The following CAMK1D variants were observed in gnomAD, a reference collection of about 807,000 sequenced individuals.
CAMK1D encodes calcium/calmodulin-dependent protein kinase type 1D.
Under a neutral mutation model 47.7 loss-of-function variants are expected in CAMK1D, and 9 were observed. The ratio of observed to expected loss-of-function variants is 0.19; its 90% CI spans 0.11 to 0.33. The LOEUF is 0.33. Among genes scored for constraint, CAMK1D ranks in the 10% least tolerant of loss-of-function variants. The pLI, the probability that CAMK1D is intolerant of heterozygous loss-of-function variation, is 1.00. For synonymous variants in CAMK1D, 184 were observed against 184.9 expected (o/e 0.99, Z 0.04); for missense variants, 291 against 488.7 (o/e 0.60, Z 3.81).
At position 12,699,154 on chromosome 10, in the gene CAMK1D, C is replaced by T. The variant is rs189328029; in HGVS notation, c.299+32344C>T. Among the ~76,000 whole-genome samples, 600 of 152,248 alleles carry T rather than the reference C, an allele frequency of 3.9e-3. 7 individuals are homozygous for T. The highest frequency in any genetic ancestry group is 0.013 in the African/African-American group (554 of 41,540). Reference sequence around the variant, plus strand: ...GACTCTCTGGTGACCCTTTCTCAGGCATTTTTCTGCTAAGGCTTTGGTTAA... The same window carrying T: ...GACTCTCTGGTGACCCTTTCTCAGGTATTTTTCTGCTAAGGCTTTGGTTAA... On this transcript the variant is annotated intron_variant, in intron 3 of 10. Transcript: ENST00000619168.
chr10:12,727,974 C>T (rs1454387234), intron 3 of CAMK1D, among the ~76,000 whole-genome samples: 1 of 152,076 alleles, frequency 6.6e-6, no homozygotes, highest in Non-Finnish European at 1.5e-5. Flanking sequence ...CCATGCTGGC[C>T]GGGCTGGTCT....
intron 4 of CAMK1D, among the ~76,000 whole-genome samples, chr10:12,766,532 G>A (rs1333068073): frequency 6.6e-6 from 1 of 151,984 alleles, no homozygotes; most frequent in Admixed American, 6.5e-5. Context: ...ACCAGTGAAA[G>A]CTTCCAGCTT....
chr10:12,583,687 C>T (rs942786297), intron 2 of CAMK1D, among the ~76,000 whole-genome samples: 22 of 151,722 alleles, frequency 1.5e-4, no homozygotes, highest in African/African-American at 4.6e-4. Context: ...CTGCAACCTC[C>T]GCTTCCCAGG....
At chr10:12,369,167 C>A (rs1837936967) in intron 1 of CAMK1D, among the ~76,000 whole-genome samples, 1 of 152,222 alleles carries the variant, frequency 6.6e-6, no homozygotes, top group African/African-American at 2.4e-5. Flanking sequence ...TGCAACAAAA[C>A]CTCACAACAA....
intron 5 of CAMK1D, among the ~76,000 whole-genome samples, chr10:12,782,552 G>A (rs898709890): frequency 3.9e-5 from 6 of 152,270 alleles, no homozygotes; most frequent in African/African-American, 9.6e-5. Context: ...AAATCTTCTC[G>A]TGTCTTCTCT....
chr10:12,761,477 A>G (rs959269914), intron 4 of CAMK1D, among the ~76,000 whole-genome samples: 3 of 152,072 alleles, frequency 2.0e-5, no homozygotes, highest in African/African-American at 7.2e-5. Flanking sequence ...AGCACAACAC[A>G]CTGTATAAAA....
chr10:12,763,307 G>A (rs959558896), intron 4 of CAMK1D, among the ~76,000 whole-genome samples: 2 of 152,184 alleles, frequency 1.3e-5, no homozygotes, highest in African/African-American at 4.8e-5. Context: ...CAAGCCCAGA[G>A]CAATAGAGAG....
chr10:12,773,527 A>C (rs1470728516), intron 5 of CAMK1D, among the ~76,000 whole-genome samples: 1 of 152,168 alleles, frequency 6.6e-6, no homozygotes, highest in Non-Finnish European at 1.5e-5. Flanking sequence ...TTTTTCAAAT[A>C]TTTTTGATCT....
At chr10:12,592,156 G>A (rs1408444386) in intron 2 of CAMK1D, among the ~76,000 whole-genome samples, 3 of 152,162 alleles carry the variant, frequency 2.0e-5, no homozygotes, top group Non-Finnish European at 4.4e-5. Context: ...AGGTTGGGCC[G>A]GCTTGAAGTC....
In CAMK1D at chr10:12,368,214, A is replaced by T. The variant is rs751080631; in HGVS notation, c.92+18304A>T. Among the ~76,000 whole-genome samples, 824 of 149,334 alleles carry T rather than the reference A, an allele frequency of 5.5e-3. 7 individuals are homozygous for T. Among genetic ancestry groups the T allele is most frequent in the Non-Finnish European group, 8.9e-3 (593 of 66,962 alleles). ...ACTCCGTCTCAAAAAAAAAAAAAAA[A>T]TAAAATAAAATGTTTATTGTCCGGG... On this transcript the variant is annotated intron_variant, in intron 1 of 10. Coordinates refer to ENST00000619168, the MANE Select transcript of CAMK1D (RefSeq NM_153498.4).
rs1836088248 is a variant in CAMK1D, at chr10:12,753,598, C to T, written c.300-7350C>T. On this transcript the variant is annotated intron_variant, in intron 3 of 10. Transcript: ENST00000619168. Reference sequence around the variant, plus strand: ...CTTGGGATCTTAGAACGGGCTGCCTCACCCTTCTGCCCGGAATGCTTTTCC... The same window carrying T: ...CTTGGGATCTTAGAACGGGCTGCCTTACCCTTCTGCCCGGAATGCTTTTCC... 2.6e-5 allele frequency among the ~76,000 whole-genome samples: 4 copies of T among 152,234 alleles called. No individual in the cohort carries two copies. In the South Asian group the frequency reaches 8.3e-4, roughly 32 times the overall value.
At chr10:12,781,046 G>A (rs1321569803) in intron 5 of CAMK1D, among the ~76,000 whole-genome samples, 3 of 152,188 alleles carry the variant, frequency 2.0e-5, no homozygotes, top group African/African-American at 7.2e-5. Context: ...ACACATGGCA[G>A]TCCCACAGAG....
At chr10:12,356,807 G>T (rs984097606) in intron 1 of CAMK1D, among the ~76,000 whole-genome samples, 9 of 152,086 alleles carry the variant, frequency 5.9e-5, no homozygotes, top group African/African-American at 2.2e-4. Context: ...TTGGGAAGTG[G>T]GAGTTTGGGT....
At chr10:12,688,073 G>A (rs558741246) in intron 3 of CAMK1D, among the ~76,000 whole-genome samples, 1 of 152,318 alleles carries the variant, frequency 6.6e-6, no homozygotes, top group African/African-American at 2.4e-5. Flanking sequence ...GAATTAAGGC[G>A]AATGAAATAT....
chr10:12,582,314 A>T (rs1248845052), intron 2 of CAMK1D, among the ~76,000 whole-genome samples: 1 of 152,168 alleles, frequency 6.6e-6, no homozygotes, highest in Non-Finnish European at 1.5e-5. Context: ...TTGAAGTCAG[A>T]TAAAATGATG....
chr10:12,822,571 C>T (rs937468310), intron 8 of CAMK1D, among the ~76,000 whole-genome samples: 3 of 152,238 alleles, frequency 2.0e-5, no homozygotes, highest in Admixed American at 6.5e-5. Flanking sequence ...GACCCCAGCA[C>T]CAGCCTGTTT....
chr10:12,786,944 G>A (rs772484976), intron 5 of CAMK1D, among the ~76,000 whole-genome samples: 3 of 152,160 alleles, frequency 2.0e-5, no homozygotes, highest in Non-Finnish European at 2.9e-5. Flanking sequence ...CCAACAAGAC[G>A]AAACCCCTTC....
At chr10:12,772,338 T>C (rs1341209784) in intron 5 of CAMK1D, among the ~76,000 whole-genome samples, 1 of 152,172 alleles carries the variant, frequency 6.6e-6, no homozygotes, top group Non-Finnish European at 1.5e-5. Context: ...TAGGTCATGA[T>C]GCTGGTTCTC....
At chr10:12,585,417 G>A (rs902293810) in intron 2 of CAMK1D, among the ~76,000 whole-genome samples, 3 of 152,180 alleles carry the variant, frequency 2.0e-5, no homozygotes, top group African/African-American at 7.2e-5. Context: ...CAATGACCAA[G>A]TACAGTTCCT....
Sources: gnomAD v4.1 joint callset for allele counts (sites outside exome capture counted in the v4.1 genomes callset) on GRCh38, gnomAD v4.1.1 for gene constraint, MANE v1.5 for transcripts, NCBI Gene and HGNC (gene_info 2026-07-23, HGNC 2026-07-21) for gene names.